Variants in ZZZ3 observed in about 807,000 individuals in gnomAD.
ZZZ3 encodes zinc finger ZZ-type containing 3, also known as ZZ-type zinc finger-containing protein 3.
In ZZZ3, 22 loss-of-function variants were observed where a neutral mutation model predicts 95.2. The observed-to-expected ratio is 0.23, with a 90% CI of 0.17 to 0.33. The LOEUF (loss-of-function observed/expected upper bound fraction) is 0.33, where lower values mean the gene tolerates loss of function less well. Among genes scored for constraint, ZZZ3 ranks in the 10% least tolerant of loss-of-function variants. ZZZ3 has a pLI of 1.00. For synonymous variants in ZZZ3, 335 were observed against 358.9 expected (o/e 0.93, Z 0.75); for missense variants, 885 against 1,066.5 (o/e 0.83, Z 2.37).
At position 77,584,531 on chromosome 1, in the gene ZZZ3, T is replaced by C. The variant is rs746799354; in HGVS notation, c.1630A>G (p.Lys544Glu). 2.5e-6 allele frequency: 4 copies of C among 1,611,200 alleles called. No individual in the cohort carries two copies. The African/African-American group carries it at 5.4e-5, about 22-fold the overall frequency. ...TCAATGTATACCTTCTTCTGGAGTT[T>C]TTCCACAAATCCAATGGGATTTTTC... is the stretch of plus-strand genomic sequence containing the variant. ...ALKNPIGFVE[K>E]LQKKADIGLP... The change falls in exon 6 of 15, where the codon AAA (lysine) becomes GAA (glutamate). Residue 544 changes from lysine to glutamate, a missense_variant. Transcript: ENST00000370801.
chr1:77,568,230 G>T, intron 13 of ZZZ3, 102 bp downstream of exon 13: 1 of 979,886 alleles, frequency 1.0e-6, no homozygotes, highest in South Asian at 1.7e-5. Context: ...AGTAAGCTGA[G>T]ATCACGCCAC....
In ZZZ3 at chr1:77,565,784, ACTGT is replaced by A. The variant is rs1389482970; in HGVS notation, c.2568-4_2568-1del. 3.1e-6 allele frequency: 5 copies of A among 1,610,010 alleles called. No homozygotes were observed. In the Admixed American group the frequency reaches 5.1e-5, roughly 16 times the overall value. On this transcript the variant is annotated splice_acceptor_variant and splice_polypyrimidine_tract_variant and intron_variant, in intron 14 of 14. Coordinates refer to ENST00000370801, the MANE Select transcript of ZZZ3 (RefSeq NM_015534.6). LOFTEE classifies it high-confidence loss of function. ...CCTTGTGAATATCTGTTTCATGTAG[ACTGT>A]AAAGAAAAAAAGACACACATCATTA... is the stretch of plus-strand genomic sequence containing the variant.
intron 1 of ZZZ3, among the ~76,000 whole-genome samples, chr1:77,674,174 C>T (rs1672044979): frequency 6.6e-6 from 1 of 152,056 alleles, no homozygotes; most frequent in Admixed American, 6.5e-5. Flanking sequence ...TTTGATGTCC[C>T]CTCCTAGGAG....
At chr1:77,671,075 G>A (rs1428582480) in intron 1 of ZZZ3, among the ~76,000 whole-genome samples, 1 of 151,328 alleles carries the variant, frequency 6.6e-6, no homozygotes, top group Non-Finnish European at 1.5e-5. Flanking sequence ...GCCAGCAACT[G>A]CCGGTCCAAC....
At chr1:77,583,208 C>A (rs1662711535) in intron 6 of ZZZ3, among the ~76,000 whole-genome samples, 1 of 151,892 alleles carries the variant, frequency 6.6e-6, no homozygotes, top group South Asian at 2.1e-4. Flanking sequence ...AGTAAATATG[C>A]CTAATTGCAT....
rs1462759052 is a variant in ZZZ3 at position 77,579,576 on chromosome 1, C to T, written c.2033G>A (p.Arg678Gln). The T allele has an allele frequency of 3.8e-6, 6 of 1,587,004 alleles. No homozygotes were observed. Among genetic ancestry groups the T allele is most frequent in the Admixed American group, 1.8e-5 (1 of 55,094 alleles). Residue 678 changes from arginine (R) to glutamine (Q), a missense_variant, in exon 10 of 15, where the codon CGA (arginine) becomes CAA (glutamine). Physicochemically the swap from Arg to Gln is conservative, Grantham distance 43. Coordinates refer to ENST00000370801, the MANE Select transcript of ZZZ3 (RefSeq NM_015534.6). ...IKYPPEEVES[R>Q]RWQKIADELG... ...TTCATCTGCTATCTTCTGCCAGCGT[C>T]GAGATTCTACTTCTTCAGGAGGGTA...
chr1:77,622,370 CAAAA>C (rs200681261), intron 5 of ZZZ3, among the ~76,000 whole-genome samples: 20 of 55,426 alleles, frequency 3.6e-4, no homozygotes, highest in African/African-American at 8.0e-4. Flanking sequence ...TGAAAAATAG[CAAAA>C]AAAAAAAAAA....
chr1:77,623,022 A>T (rs1184991673), intron 5 of ZZZ3, among the ~76,000 whole-genome samples: 1 of 152,230 alleles, frequency 6.6e-6, no homozygotes, highest in Non-Finnish European at 1.5e-5. Flanking sequence ...AGAGTAACTG[A>T]CACAGAATGG....
At chr1:77,577,295 T>C (rs1662057471) in intron 11 of ZZZ3, among the ~76,000 whole-genome samples, 1 of 152,226 alleles carries the variant, frequency 6.6e-6, no homozygotes, top group African/African-American at 2.4e-5. Flanking sequence ...GTTATCATTA[T>C]CCAGTGTTAA....
intron 6 of ZZZ3, among the ~76,000 whole-genome samples, chr1:77,583,790 T>C (rs184985553): frequency 6.6e-6 from 1 of 152,254 alleles, no homozygotes; most frequent in African/African-American, 2.4e-5. Flanking sequence ...ACAATGCTGA[T>C]TAACATTATA....
intron 1 of ZZZ3, among the ~76,000 whole-genome samples, chr1:77,662,973 C>T (rs1178975349): frequency 6.6e-6 from 1 of 152,036 alleles, no homozygotes; most frequent in African/African-American, 2.4e-5. Context: ...GGCATGGTAG[C>T]ACGCACCTGT....
chr1:77,669,755 G>A (rs1203744439), intron 1 of ZZZ3, among the ~76,000 whole-genome samples: 3 of 151,838 alleles, frequency 2.0e-5, no homozygotes, highest in Non-Finnish European at 2.9e-5. Flanking sequence ...ACTGCGCCCC[G>A]GCCTCTCCGT....
intron 1 of ZZZ3, among the ~76,000 whole-genome samples, chr1:77,678,101 A>G (rs961009760): frequency 6.6e-6 from 1 of 152,182 alleles, no homozygotes; most frequent in African/African-American, 2.4e-5. Flanking sequence ...TAATAGACTC[A>G]ATACCAGGAT....
chr1:77,640,600 C>CAA (rs78243648), intron 3 of ZZZ3, among the ~76,000 whole-genome samples: 1,474 of 76,594 alleles, frequency 0.019, 14 homozygotes, highest in Middle Eastern at 0.04. Context: ...AACTCAGTCT[C>CAA]AAAAAAAAAA....
intron 4 of ZZZ3, among the ~76,000 whole-genome samples, chr1:77,639,127 A>T (rs1668550211): frequency 6.6e-6 from 1 of 152,192 alleles, no homozygotes; most frequent in Non-Finnish European, 1.5e-5. Flanking sequence ...AGACAGACAG[A>T]CAGATAGACA....
chr1:77,617,279 T>C (rs1358706142), intron 5 of ZZZ3, among the ~76,000 whole-genome samples: 1 of 152,232 alleles, frequency 6.6e-6, no homozygotes, highest in Non-Finnish European at 1.5e-5. Context: ...ATACACATTA[T>C]GCAGTCAGTC....
At chr1:77,636,025 T>C (rs886086913) in intron 4 of ZZZ3, among the ~76,000 whole-genome samples, 1 of 152,204 alleles carries the variant, frequency 6.6e-6, no homozygotes, top group Admixed American at 6.5e-5. Context: ...ATATTAAATA[T>C]GTATGTAAAT....
chr1:77,630,633 A>T (rs1250480118), intron 5 of ZZZ3, among the ~76,000 whole-genome samples: 3 of 152,330 alleles, frequency 2.0e-5, no homozygotes, highest in African/African-American at 7.2e-5. Flanking sequence ...CGAGACTCCT[A>T]ACATTTTCAC....
At chr1:77,662,557 C>G (rs1249169493) in intron 1 of ZZZ3, among the ~76,000 whole-genome samples, 1 of 152,172 alleles carries the variant, frequency 6.6e-6, no homozygotes, top group Admixed American at 6.5e-5. Flanking sequence ...AGTGTACTCA[C>G]CCTGAATCTA....
Sources: gnomAD v4.1 joint callset for allele counts (sites outside exome capture counted in the v4.1 genomes callset) on GRCh38, gnomAD v4.1.1 for gene constraint, MANE v1.5 for transcripts, NCBI Gene and HGNC (gene_info 2026-07-23, HGNC 2026-07-21) for gene names.